SLC35F3: variants seen among roughly 807,000 people sequenced by gnomAD.
The protein encoded by SLC35F3 is solute carrier family 35 member F3.
Under a neutral mutation model 49.9 loss-of-function variants are expected in SLC35F3, and 25 were observed. The ratio of observed to expected loss-of-function variants is 0.50; its 90% CI spans 0.37 to 0.70. SLC35F3 has a LOEUF of 0.70. SLC35F3 is among the 30% of genes least tolerant of loss of function. The pLI is 0.00. For synonymous variants in SLC35F3, 275 were observed against 265.4 expected, an observed-to-expected ratio of 1.04 and a Z score of -0.35; for missense variants, 525 against 639.8, an observed-to-expected ratio of 0.82 and a Z score of 1.94.
At position 233,905,543 on chromosome 1, in the gene SLC35F3, C is replaced by T. The variant is rs1010936512; in HGVS notation, c.68C>T (p.Ser23Leu). The change falls in exon 2 of 8, where the codon TCA becomes TTA. Residue 23 changes from serine to leucine, a missense_variant. Ser to Leu is a moderately radical substitution (Grantham distance 145, BLOSUM62 -2). Coordinates refer to ENST00000366618, the MANE Select transcript of SLC35F3 (RefSeq NM_173508.4). The stretch of plus-strand genomic sequence containing the variant: ...TGCGACCGCAGTGGCATGAGGAGGT[C>T]ACCGGACGTCAGCCCCCGGAGACTG... ...GKSIAVGMRR[S>L]PDVSPRRLSD... is the part of the protein sequence containing the mutation. The T allele has an allele frequency of 1.2e-6, 2 of 1,613,272 alleles. No homozygotes were observed. Among genetic ancestry groups the T allele is most frequent in the Non-Finnish European group, 1.7e-6 (2 of 1,179,698 alleles).
intron 2 of SLC35F3, among the ~76,000 whole-genome samples, chr1:234,103,796 C>T (rs1425359859): frequency 6.6e-6 from 1 of 152,190 alleles, no homozygotes; most frequent in African/African-American, 2.4e-5. Flanking sequence ...CTTCCCCACT[C>T]ATTGACTTCA....
chr1:234,070,967 T>C (rs1461366258), intron 2 of SLC35F3, among the ~76,000 whole-genome samples: 1 of 152,192 alleles, frequency 6.6e-6, no homozygotes, highest in African/African-American at 2.4e-5. Flanking sequence ...GATGAGGAAA[T>C]AGATGCAGAG....
intron 2 of SLC35F3, among the ~76,000 whole-genome samples, chr1:234,008,815 T>G (rs1475894627): frequency 1.3e-5 from 2 of 152,222 alleles, no homozygotes; most frequent in African/African-American, 2.4e-5. Context: ...ATGACTGTTC[T>G]TGGTAGTCTC....
At chr1:234,017,548 C>A (rs1663821991) in intron 2 of SLC35F3, among the ~76,000 whole-genome samples, 1 of 151,526 alleles carries the variant, frequency 6.6e-6, no homozygotes, top group Non-Finnish European at 1.5e-5. Flanking sequence ...CCCGTCTCTA[C>A]TAAAAAATAC....
chr1:234,041,788 A>G (rs1664225921), intron 2 of SLC35F3, among the ~76,000 whole-genome samples: 1 of 152,200 alleles, frequency 6.6e-6, no homozygotes, highest in South Asian at 2.1e-4. Flanking sequence ...ATACATGCAT[A>G]GTACCCAGCA....
In SLC35F3 at chr1:233,905,534, TGAG is replaced by T. The variant is rs912520593; in HGVS notation, c.64_66del (p.Arg22del). 1.2e-6 allele frequency: 2 copies of T among 1,612,522 alleles called. No homozygotes were observed. The highest frequency in any genetic ancestry group is 2.7e-5 in the African/African-American group (2 of 74,900). On this transcript the variant is annotated inframe_deletion, in exon 2 of 8. Coordinates refer to ENST00000366618, the MANE Select transcript of SLC35F3 (RefSeq NM_173508.4). ...CGTGGCGCCTGCGACCGCAGTGGCA[TGAG>T]GAGGTCACCGGACGTCAGCCCCCGG...
chr1:234,116,329 T>A (rs888014245), intron 2 of SLC35F3, among the ~76,000 whole-genome samples: 1 of 152,066 alleles, frequency 6.6e-6, no homozygotes, highest in Non-Finnish European at 1.5e-5. Context: ...CTCAGGAAAT[T>A]CAAGGGCTTT....
At chr1:234,079,518 A>G (rs549621507) in intron 2 of SLC35F3, among the ~76,000 whole-genome samples, 1 of 152,370 alleles carries the variant, frequency 6.6e-6, no homozygotes, top group East Asian at 1.9e-4. Flanking sequence ...TGAGTTTAGC[A>G]TTCAGAATAT....
At chr1:234,125,387 A>AC (rs1413573872) in intron 2 of SLC35F3, among the ~76,000 whole-genome samples, 1 of 152,162 alleles carries the variant, frequency 6.6e-6, no homozygotes, top group African/African-American at 2.4e-5. Context: ...ACCCGGGCTG[A>AC]CGGATCATCC....
chr1:234,296,061 AG>A (rs1306707319), intron 3 of SLC35F3, among the ~76,000 whole-genome samples: 1 of 152,248 alleles, frequency 6.6e-6, no homozygotes, highest in Non-Finnish European at 1.5e-5. Flanking sequence ...GTGAAAAAGC[AG>A]GAACATAGAA....
At chr1:234,196,974 G>A (rs1314580955) in intron 2 of SLC35F3, among the ~76,000 whole-genome samples, 1 of 152,156 alleles carries the variant, frequency 6.6e-6, no homozygotes, top group Admixed American at 6.5e-5. Context: ...GATAAACATA[G>A]CTGGACATTA....
rs542258864 is a variant in SLC35F3 at position 234,315,146 on chromosome 1, G to A, written c.829-1456G>A. Among the ~76,000 whole-genome samples, 21 of 152,276 alleles carry A rather than the reference G, an allele frequency of 1.4e-4. No homozygotes were observed. In the South Asian group the frequency reaches 4.4e-3, roughly 32 times the overall value. The stretch of plus-strand genomic sequence containing the variant: ...TACAAGTGAATTCCCATACCAGAAA[G>A]AACACGCAGACAGATTGGGCCAGGC... On this transcript the variant is annotated intron_variant, in intron 4 of 7. Coordinates refer to ENST00000366618, the MANE Select transcript of SLC35F3 (RefSeq NM_173508.4).
intron 2 of SLC35F3, among the ~76,000 whole-genome samples, chr1:233,907,958 T>C (rs1661803091): frequency 6.6e-6 from 1 of 152,214 alleles, no homozygotes; most frequent in Non-Finnish European, 1.5e-5. Context: ...ACTCCTGACC[T>C]CAGGTTATCC....
chr1:234,026,611 G>T (rs558749125), intron 2 of SLC35F3, among the ~76,000 whole-genome samples: 1 of 152,210 alleles, frequency 6.6e-6, no homozygotes, highest in East Asian at 1.9e-4. Flanking sequence ...AGCCAGGTGT[G>T]GTGGCTTACA....
chr1:234,065,711 A>G (rs1009975753), intron 2 of SLC35F3, among the ~76,000 whole-genome samples: 1 of 152,226 alleles, frequency 6.6e-6, no homozygotes. Context: ...AAAATAAAAC[A>G]TTTCTTGGTT....
At position 234,312,337 on chromosome 1, in the gene SLC35F3, A is replaced by G. The variant is rs978516721; in HGVS notation, c.828+3017A>G. ...CAGAAGGTGAGCTAAGAGGTCATCCATGGGGTCCTCAAACCCCAGCGGCAC... is the reference window on the plus strand; with the variant it reads ...CAGAAGGTGAGCTAAGAGGTCATCCGTGGGGTCCTCAAACCCCAGCGGCAC... On this transcript the variant is annotated intron_variant, in intron 4 of 7. Transcript: ENST00000366618. 3.3e-5 allele frequency among the ~76,000 whole-genome samples: 5 copies of G among 152,344 alleles called. No homozygotes were observed. In the South Asian group the frequency reaches 8.3e-4, roughly 25 times the overall value.
At chr1:234,268,110 G>T (rs1309209468) in intron 3 of SLC35F3, among the ~76,000 whole-genome samples, 2 of 151,996 alleles carry the variant, frequency 1.3e-5, no homozygotes, top group Non-Finnish European at 2.9e-5. Context: ...AGGCGGCTGG[G>T]AGGTGGAGGT....
At chr1:234,185,912 C>G (rs374948535) in intron 2 of SLC35F3, among the ~76,000 whole-genome samples, 2 of 152,322 alleles carry the variant, frequency 1.3e-5, no homozygotes, top group East Asian at 3.9e-4. Flanking sequence ...TATCATCACT[C>G]TCTTTGAGCA....
At chr1:234,149,571 G>A (rs1205531635) in intron 2 of SLC35F3, among the ~76,000 whole-genome samples, 1 of 152,112 alleles carries the variant, frequency 6.6e-6, no homozygotes, top group Non-Finnish European at 1.5e-5. Flanking sequence ...ATCCCTGATG[G>A]CTTCCTCCAT....
Sources: allele counts gnomAD v4.1 joint callset (sites outside exome capture counted in the v4.1 genomes callset), GRCh38; gene constraint gnomAD v4.1.1; transcripts MANE v1.5; gene names NCBI Gene and HGNC (gene_info 2026-07-23, HGNC 2026-07-21).